Variants in PIP4K2A observed in about 807,000 individuals in gnomAD.
The protein encoded by PIP4K2A is phosphatidylinositol-5-phosphate 4-kinase type 2 alpha.
PIP4K2A carries 14 observed loss-of-function variants against 42.9 expected under a neutral mutation model. The ratio of observed to expected loss-of-function variants is 0.33; its 90% CI spans 0.22 to 0.51. The LOEUF is 0.51. Among genes scored for constraint, PIP4K2A ranks in the 20% least tolerant of loss-of-function variants. The pLI is 0.97. For synonymous variants in PIP4K2A, 192 were observed against 192.2 expected, an observed-to-expected ratio of 1.00 and a Z score of 0.01; for missense variants, 434 against 519.8, an observed-to-expected ratio of 0.83 and a Z score of 1.61.
chr10:22,578,939 T>TAC (rs932691126), intron 4 of PIP4K2A, among the ~76,000 whole-genome samples: 3 of 152,298 alleles, frequency 2.0e-5, no homozygotes, highest in Non-Finnish European at 2.9e-5. Flanking sequence ...CCATGACCCT[T>TAC]ACCTCCAGGT....
At chr10:22,545,430 G>A (rs1368843150) in intron 7 of PIP4K2A, among the ~76,000 whole-genome samples, 5 of 152,188 alleles carry the variant, frequency 3.3e-5, no homozygotes, top group Admixed American at 6.5e-5. Flanking sequence ...CTGGCCAGCC[G>A]CACTCACCAG....
intron 5 of PIP4K2A, among the ~76,000 whole-genome samples, chr10:22,568,828 C>T (rs542908490): frequency 6.6e-6 from 1 of 152,188 alleles, no homozygotes; most frequent in African/African-American, 2.4e-5. Flanking sequence ...AGCAGATGTC[C>T]TGTGTTTACT....
intron 4 of PIP4K2A, among the ~76,000 whole-genome samples, chr10:22,579,104 G>A (rs1837193219): frequency 6.6e-6 from 1 of 151,996 alleles, no homozygotes; most frequent in South Asian, 2.1e-4. Flanking sequence ...CATGAAAGGA[G>A]GAAAAGAGGG....
intron 3 of PIP4K2A, among the ~76,000 whole-genome samples, chr10:22,604,317 G>C (rs2559523): frequency 5.9e-5 from 9 of 152,006 alleles, no homozygotes; most frequent in Middle Eastern, 3.4e-3. Flanking sequence ...ACCATGCTCT[G>C]CTTTAATCAG....
At chr10:22,648,024 C>T (rs771344783) in intron 1 of PIP4K2A, among the ~76,000 whole-genome samples, 2 of 152,220 alleles carry the variant, frequency 1.3e-5, no homozygotes, top group Non-Finnish European at 2.9e-5. Context: ...TCCTTTCCTA[C>T]GTCTACCCAT....
At chr10:22,658,586 C>G (rs1239947324) in intron 1 of PIP4K2A, among the ~76,000 whole-genome samples, 1 of 152,182 alleles carries the variant, frequency 6.6e-6, no homozygotes, top group Non-Finnish European at 1.5e-5. Context: ...TATTCTATAC[C>G]TGCTTTTTTA....
chr10:22,553,799 T>TC (rs1158954371), intron 6 of PIP4K2A, among the ~76,000 whole-genome samples: 1 of 150,930 alleles, frequency 6.6e-6, no homozygotes, highest in East Asian at 1.9e-4. Context: ...CTTTTTTTTT[T>TC]TTTTTTTTTT....
chr10:22,595,544 G>T (rs1837615614), intron 3 of PIP4K2A, among the ~76,000 whole-genome samples: 1 of 152,192 alleles, frequency 6.6e-6, no homozygotes, highest in African/African-American at 2.4e-5. Context: ...ATCACTTGAG[G>T]CCAGGAGTTC....
In PIP4K2A at chr10:22,601,130, C is replaced by CAAAAAAAAAAAAAAAAAAAAAAAAAAA. The variant is rs1188396077; in HGVS notation, c.339+6770_339+6796dup. ...CCTGGGCAACAGAGCGAGACTGTCT[C>CAAAAAAAAAAAAAAAAAAAAAAAAAAA]AAAAAAAAAAAAAAAAAAAAAAAAA... On this transcript the variant is annotated intron_variant, in intron 3 of 9. Transcript: ENST00000376573. 3.4e-4 allele frequency among the ~76,000 whole-genome samples: 11 copies of CAAAAAAAAAAAAAAAAAAAAAAAAAAA among 31,926 alleles called. 1 individual carries two copies. Among genetic ancestry groups the CAAAAAAAAAAAAAAAAAAAAAAAAAAA allele is most frequent in the Admixed American group, 1.1e-3 (2 of 1,854 alleles). The allele number at this position is 31,926 out of a possible 152,430, so 20.9% of individuals were successfully genotyped here. A position where few individuals can be genotyped will look rare whatever the true frequency, so the allele number is the denominator to read the frequency against.
intron 1 of PIP4K2A, among the ~76,000 whole-genome samples, chr10:22,620,454 C>A (rs1838300067): frequency 6.6e-6 from 1 of 152,236 alleles, no homozygotes; most frequent in Admixed American, 6.5e-5. Context: ...ACGTCACCAC[C>A]CTCTGGCCTT....
chr10:22,636,133 A>T (rs1838657972), intron 1 of PIP4K2A, among the ~76,000 whole-genome samples: 1 of 152,230 alleles, frequency 6.6e-6, no homozygotes. Flanking sequence ...TCCACAATGG[A>T]GTCTTGAAAA....
chr10:22,643,966 T>G (rs552126566), intron 1 of PIP4K2A, among the ~76,000 whole-genome samples: 36 of 152,264 alleles, frequency 2.4e-4, no homozygotes, highest in Admixed American at 5.9e-4. Flanking sequence ...CCATCTGCAG[T>G]GCAATGGCTC....
At chr10:22,645,308 G>C (rs1838857943) in intron 1 of PIP4K2A, among the ~76,000 whole-genome samples, 2 of 152,190 alleles carry the variant, frequency 1.3e-5, no homozygotes, top group Non-Finnish European at 2.9e-5. Context: ...CACTTTGGGA[G>C]GCTGAGGTGA....
At chr10:22,600,636 C>T (rs1194223345) in intron 3 of PIP4K2A, among the ~76,000 whole-genome samples, 10 of 152,320 alleles carry the variant, frequency 6.6e-5, no homozygotes, top group Non-Finnish European at 1.5e-4. Flanking sequence ...CTGCTGACAG[C>T]TCAGGATTAT....
intron 1 of PIP4K2A, among the ~76,000 whole-genome samples, chr10:22,665,622 T>C (rs937927019): frequency 6.9e-5 from 10 of 145,274 alleles, no homozygotes; most frequent in Non-Finnish European, 1.2e-4. Flanking sequence ...TTTTTTTTTT[T>C]TTTTTAAGAA....
intron 7 of PIP4K2A, among the ~76,000 whole-genome samples, chr10:22,545,416 G>A (rs1468117031): frequency 6.6e-6 from 1 of 152,246 alleles, no homozygotes; most frequent in Non-Finnish European, 1.5e-5. Context: ...GGGGACAACT[G>A]GGACTGGCCA....
intron 6 of PIP4K2A, among the ~76,000 whole-genome samples, chr10:22,555,134 T>A (rs1038097178): frequency 2.6e-5 from 4 of 152,108 alleles, no homozygotes; most frequent in African/African-American, 9.7e-5. Context: ...TCATACGGAG[T>A]GATGCCCGAC....
Position 22,628,756 on chromosome 10 carries a change from A to G in PIP4K2A, c.145-19039T>C, listed in dbSNP as rs376355972. On this transcript the variant is annotated intron_variant, in intron 1 of 9. Transcript: ENST00000376573. The stretch of plus-strand genomic sequence containing the variant: ...TTCTATAGAAAGCAATGTCTGAGTT[A>G]GGATAAGGGGTTTTGGAAACCAAGG... Among the ~76,000 whole-genome samples, 10 of 152,344 alleles carry G rather than the reference A, an allele frequency of 6.6e-5. No homozygotes were observed. The East Asian group carries it at 9.6e-4, about 15-fold the overall frequency.
Position 22,535,956 on chromosome 10 carries a change from C to T in PIP4K2A, c.*1245G>A, listed in dbSNP as rs1052595680. 7 of 394,338 alleles carry T rather than the reference C, an allele frequency of 1.8e-5. No homozygotes were observed. The highest frequency in any genetic ancestry group is 3.1e-5 in the Non-Finnish European group (7 of 223,866). The allele number at this position is 394,338 out of a possible 1,614,324, so 24.4% of individuals were successfully genotyped here. ...CCATGTACTTTGACTAAAACACTCACGTAAAAACATGGCTGCAGGATACGT... is the reference window on the plus strand; with the variant it reads ...CCATGTACTTTGACTAAAACACTCATGTAAAAACATGGCTGCAGGATACGT... On this transcript the variant is annotated 3_prime_UTR_variant, in exon 10 of 10. Transcript: ENST00000376573.
Sources: allele counts gnomAD v4.1 joint callset (sites outside exome capture counted in the v4.1 genomes callset), GRCh38; gene constraint gnomAD v4.1.1; transcripts MANE v1.5; gene names NCBI Gene and HGNC (gene_info 2026-07-23, HGNC 2026-07-21).